IPO11: variants seen among roughly 807,000 people sequenced by gnomAD.
The protein encoded by IPO11 is importin 11, also known as importin-11.
Under a neutral mutation model 143.2 loss-of-function variants are expected in IPO11, and 66 were observed. The ratio of observed to expected loss-of-function variants is 0.46; its 90% CI spans 0.38 to 0.57. The LOEUF (loss-of-function observed/expected upper bound fraction) is 0.57, where lower values mean the gene tolerates loss of function less well. Ranked by LOEUF, IPO11 falls within the 20% of genes least tolerant of loss-of-function variation. The probability of loss-of-function intolerance (pLI) is 0.00; values close to 1 mark genes in which losing one functional copy is unlikely to be tolerated. For missense variants in IPO11, 1,026 were observed against 1,141.0 expected (o/e 0.90, Z 1.45); for synonymous variants, 385 against 377.8 (o/e 1.02, Z -0.22).
At chr5:62,593,921 A>G (rs531834407) in intron 28 of IPO11, among the ~76,000 whole-genome samples, 52 of 152,342 alleles carry the variant, frequency 3.4e-4, no homozygotes, top group African/African-American at 1.2e-3. Flanking sequence ...ACAGTCCATG[A>G]GACTATAAGG....
chr5:62,579,090 A>G (rs1012950298), intron 27 of IPO11, among the ~76,000 whole-genome samples: 4 of 152,094 alleles, frequency 2.6e-5, no homozygotes, highest in Non-Finnish European at 5.9e-5. Context: ...AAAGGGACAT[A>G]TTAAATTCAA....
intron 21 of IPO11, among the ~76,000 whole-genome samples, chr5:62,530,294 C>G (rs1487069775): frequency 6.6e-6 from 1 of 152,170 alleles, no homozygotes; most frequent in Non-Finnish European, 1.5e-5. Context: ...AAAATTCATG[C>G]ATACTAAAGT....
intron 1 of IPO11, among the ~76,000 whole-genome samples, chr5:62,414,355 T>C (rs1239183601): frequency 6.6e-6 from 1 of 152,188 alleles, no homozygotes; most frequent in Non-Finnish European, 1.5e-5. Flanking sequence ...TAAGGTAATG[T>C]TTGATTATTT....
chr5:62,557,172 C>T (rs1202836041), intron 26 of IPO11, among the ~76,000 whole-genome samples: 2 of 152,016 alleles, frequency 1.3e-5, no homozygotes, highest in African/African-American at 4.8e-5. Context: ...GATAACAACT[C>T]TGGGATGGTC....
chr5:62,440,959 A>C (rs979038754), intron 2 of IPO11, among the ~76,000 whole-genome samples: 1 of 151,330 alleles, frequency 6.6e-6, no homozygotes, highest in African/African-American at 2.4e-5. Context: ...GTGAGACTCC[A>C]TCTCAAAAAA....
rs1744146594 is a variant in IPO11, at chr5:62,435,128, A to ATG, written c.-6-2145_-6-2144insGT. On this transcript the variant is annotated intron_variant, in intron 1 of 29. Transcript: ENST00000325324. ...TATATATGTATATATGTATATATGT[A>ATG]TATATATGTATATATGTATATATGT... Among the ~76,000 whole-genome samples, 191 of 86,180 alleles carry ATG rather than the reference A, an allele frequency of 2.2e-3. 14 individuals are homozygous for ATG. Among genetic ancestry groups the ATG allele is most frequent in the Admixed American group, 0.019 (171 of 8,806 alleles). 56.5% of individuals were successfully genotyped at this position (86,180 alleles called of 152,430 possible).
At chr5:62,478,547 T>G (rs1746053336) in intron 9 of IPO11, among the ~76,000 whole-genome samples, 1 of 152,224 alleles carries the variant, frequency 6.6e-6, no homozygotes, top group African/African-American at 2.4e-5. Context: ...CATTTAAATA[T>G]CTAGTCAGAT....
intron 27 of IPO11, among the ~76,000 whole-genome samples, chr5:62,563,776 A>G (rs571949914): frequency 3.3e-5 from 5 of 152,166 alleles, no homozygotes; most frequent in African/African-American, 1.2e-4. Flanking sequence ...GTATTCTGGC[A>G]CTCAAAAAAA....
intron 29 of IPO11, among the ~76,000 whole-genome samples, chr5:62,604,637 A>G (rs1745635384): frequency 6.6e-6 from 1 of 152,172 alleles, no homozygotes; most frequent in Non-Finnish European, 1.5e-5. Context: ...TATATGTAGT[A>G]TTGGTTTATA....
intron 5 of IPO11, among the ~76,000 whole-genome samples, chr5:62,456,354 A>G (rs1339698712): frequency 6.6e-6 from 1 of 152,208 alleles, no homozygotes; most frequent in African/African-American, 2.4e-5. Context: ...ACCTAAATAT[A>G]ATAAAATGGA....
At chr5:62,531,627 G>A (rs1425909007) in intron 22 of IPO11, among the ~76,000 whole-genome samples, 1 of 152,044 alleles carries the variant, frequency 6.6e-6, no homozygotes, top group Non-Finnish European at 1.5e-5. Flanking sequence ...TGTCCCTGAG[G>A]TATAATGAAT....
chr5:62,591,746 CA>C, intron 28 of IPO11, 74 bp downstream of exon 28: 1 of 939,230 alleles, frequency 1.1e-6, no homozygotes, highest in South Asian at 1.6e-5. Flanking sequence ...TTTTTTTCAC[CA>C]TCACTCTATA....
chr5:62,616,992 A>T (rs1580393792), intron 29 of IPO11, among the ~76,000 whole-genome samples: 1 of 152,168 alleles, frequency 6.6e-6, no homozygotes, highest in Non-Finnish European at 1.5e-5. Context: ...TTCTCATTCA[A>T]CATTTCCTCT....
chr5:62,513,477 A>G (rs1187549193), intron 19 of IPO11, among the ~76,000 whole-genome samples: 1 of 110,608 alleles, frequency 9.0e-6, no homozygotes, highest in African/African-American at 3.4e-5. Flanking sequence ...CTCACTTCCC[A>G]GTAGGGGCGG....
chr5:62,518,863 C>A (rs1462336206), intron 20 of IPO11, among the ~76,000 whole-genome samples: 4 of 152,108 alleles, frequency 2.6e-5, no homozygotes, highest in African/African-American at 9.7e-5. Flanking sequence ...TATTGAGAAC[C>A]TGCAATGTGC....
At chr5:62,605,720 T>C (rs1056718391) in intron 29 of IPO11, among the ~76,000 whole-genome samples, 2 of 148,360 alleles carry the variant, frequency 1.3e-5, no homozygotes, top group African/African-American at 5.0e-5. Flanking sequence ...AAAGTATTAT[T>C]ATTATTATTA....
At position 62,503,309 on chromosome 5, in the gene IPO11, T is replaced by TTAATATATTAATAGTATCTAC. The variant is rs1561338153; in HGVS notation, c.1591-1337_1591-1317dup. The stretch of plus-strand genomic sequence containing the variant: ...AGTTAGCCATTTTTATCAGTATCTA[T>TTAATATATTAATAGTATCTAC]TAATATATTAATAGTATCTACTAAT... On this transcript the variant is annotated intron_variant, in intron 16 of 29. Transcript: ENST00000325324. 7.7e-4 allele frequency among the ~76,000 whole-genome samples: 105 copies of TTAATATATTAATAGTATCTAC among 136,920 alleles called. 4 individuals are homozygous for TTAATATATTAATAGTATCTAC. The highest frequency in any genetic ancestry group is 4.1e-3 in the South Asian group (18 of 4,390). 89.8% of individuals were successfully genotyped at this position (136,920 alleles called of 152,430 possible). A position where few individuals can be genotyped will look rare whatever the true frequency, so the allele number is the denominator to read the frequency against.
chr5:62,624,139 A>G (rs13180572), intron 29 of IPO11, among the ~76,000 whole-genome samples: 13,393 of 151,858 alleles, frequency 0.088, 636 homozygotes, highest in East Asian at 0.14. Flanking sequence ...GGTTCAGGCG[A>G]TTCTCCTGCC....
intron 19 of IPO11, among the ~76,000 whole-genome samples, chr5:62,514,038 G>T (rs1464679470): frequency 2.0e-5 from 3 of 151,548 alleles, no homozygotes; most frequent in East Asian, 3.9e-4. Context: ...TGGGATGGGG[G>T]CCGGGACGAG....
Sources: allele counts gnomAD v4.1 joint callset (sites outside exome capture counted in the v4.1 genomes callset), GRCh38; gene constraint gnomAD v4.1.1; transcripts MANE v1.5; gene names NCBI Gene and HGNC (gene_info 2026-07-23, HGNC 2026-07-21).